The following ZNF362 variants were observed in gnomAD, a reference collection of about 807,000 sequenced individuals.
ZNF362 encodes the protein rotund homolog.
ZNF362 carries 11 observed loss-of-function variants against 42.9 expected under a neutral mutation model. The ratio of observed to expected loss-of-function variants is 0.26; its 90% CI spans 0.16 to 0.42. The LOEUF (loss-of-function observed/expected upper bound fraction) is 0.42, where lower values mean the gene tolerates loss of function less well. Ranked by LOEUF, ZNF362 falls within the 20% of genes least tolerant of loss-of-function variation. The pLI is 1.00. For missense variants in ZNF362, 362 were observed against 576.2 expected, an observed-to-expected ratio of 0.63 and a Z score of 3.81; for synonymous variants, 255 against 257.3, an observed-to-expected ratio of 0.99 and a Z score of 0.09.
the ZNF362 span, among the ~76,000 whole-genome samples, chr1:33,226,086 T>C: frequency 6.6e-6 from 1 of 152,148 alleles, no homozygotes; most frequent in African/African-American, 2.4e-5. Context: ...AGGAGGCACA[T>C]ACCTGACCAA....
intron 4 of ZNF362, among the ~76,000 whole-genome samples, chr1:33,279,259 A>C (rs1645973097): frequency 6.6e-6 from 1 of 152,138 alleles, no homozygotes; most frequent in Non-Finnish European, 1.5e-5. Context: ...TTCTGGGCTC[A>C]AGTGATACTC....
the ZNF362 span, among the ~76,000 whole-genome samples, chr1:33,184,295 C>T: frequency 1.4e-4 from 21 of 152,224 alleles, no homozygotes; most frequent in Middle Eastern, 3.4e-3. Context: ...TTATTATCCC[C>T]GTTTTATAGA....
At chr1:33,256,190 C>A (rs1410799392), upstream of ZNF362, among the ~76,000 whole-genome samples, 1 of 138,368 alleles carries the variant, frequency 7.2e-6, no homozygotes, top group Admixed American at 7.1e-5. Flanking sequence ...GCGGCGGCGG[C>A]GGCGACGGCG....
chr1:33,189,669 A>G, the ZNF362 span, among the ~76,000 whole-genome samples: 5 of 33,220 alleles, frequency 1.5e-4, 1 homozygote, highest in Admixed American at 4.1e-4. Context: ...ATATATATAT[A>G]TATGTATATA....
At chr1:33,276,186 G>A (rs12743549) in intron 3 of ZNF362, 23 bp downstream of exon 3, 347,814 of 1,611,604 alleles carry the variant, frequency 0.22, 39,671 homozygotes, top group South Asian at 0.27. Context: ...TCGCCCCTCC[G>A]GCTGCCCTAC....
the ZNF362 span, among the ~76,000 whole-genome samples, chr1:33,250,750 A>G: frequency 3.3e-5 from 5 of 150,446 alleles, no homozygotes; most frequent in Admixed American, 2.7e-4. Flanking sequence ...AAAGTTGAAG[A>G]AAAAAAAAGA....
At chr1:33,290,973 C>T (rs1646073156) in intron 6 of ZNF362, among the ~76,000 whole-genome samples, 1 of 152,066 alleles carries the variant, frequency 6.6e-6, no homozygotes, top group African/African-American at 2.4e-5. Flanking sequence ...AGCCCTTTGT[C>T]AGATGAGTAG....
chr1:33,196,832 AT>A, the ZNF362 span, among the ~76,000 whole-genome samples: 1 of 152,142 alleles, frequency 6.6e-6, no homozygotes, highest in Admixed American at 6.5e-5. Flanking sequence ...GCACTATGAC[AT>A]TTTGATGGTT....
chr1:33,130,022 G>A, the ZNF362 span, among the ~76,000 whole-genome samples: 3 of 152,058 alleles, frequency 2.0e-5, no homozygotes, highest in Non-Finnish European at 2.9e-5. Context: ...ACCATGCCTG[G>A]CTAATTTTGT....
intron 6 of ZNF362, among the ~76,000 whole-genome samples, chr1:33,286,788 C>T (rs532683889): frequency 2.6e-5 from 4 of 152,284 alleles, no homozygotes; most frequent in South Asian, 4.1e-4. Flanking sequence ...CCCTTTCCTA[C>T]TTATTTGTCC....
At chr1:33,293,708 A>G (rs1233081126) in intron 6 of ZNF362, among the ~76,000 whole-genome samples, 1 of 152,220 alleles carries the variant, frequency 6.6e-6, no homozygotes, top group African/African-American at 2.4e-5. Flanking sequence ...AGATTTGCCC[A>G]AACAGATGCT....
Position 33,280,171 on chromosome 1 carries a change from A to AGCGCGG in ZNF362, c.406_411dup (p.Ala136_Gly137dup), listed in dbSNP as rs761245001. 5.6e-6 allele frequency: 9 copies of AGCGCGG among 1,610,228 alleles called. No homozygotes were observed. The highest frequency in any genetic ancestry group is 2.2e-5 in the East Asian group (1 of 44,816). The stretch of plus-strand genomic sequence containing the variant: ...CCCGTCTGTGAGCACTTCTGAGTCA[A>AGCGCGG]GCGCGGGCGCGGGCACGGGCACGGG... On this transcript the variant is annotated inframe_insertion, in exon 5 of 9. Coordinates refer to ENST00000539719, the MANE Select transcript of ZNF362 (RefSeq NM_152493.3). The surrounding 1 kb of genome is among the most constrained non-coding windows in gnomAD (Gnocchi z 5.6).
chr1:33,256,369 C>A (rs1367346360), upstream of ZNF362, among the ~76,000 whole-genome samples: 1 of 143,338 alleles, frequency 7.0e-6, no homozygotes, highest in East Asian at 2.1e-4. Context: ...GGGGGCCCGA[C>A]GCGGCCCCCC....
intron 1 of ZNF362, among the ~76,000 whole-genome samples, chr1:33,264,902 T>C (rs1322325139): frequency 6.6e-6 from 1 of 152,072 alleles, no homozygotes; most frequent in Non-Finnish European, 1.5e-5. Flanking sequence ...GGTCTCCTGA[T>C]ACATGCTTTG....
Position 33,259,324 on chromosome 1 carries a change from T to C in ZNF362, c.-89+2670T>C, listed in dbSNP as rs1570378703. Among the ~76,000 whole-genome samples, 4 of 152,266 alleles carry C rather than the reference T, an allele frequency of 2.6e-5. No homozygotes were observed. The South Asian group carries it at 8.3e-4, about 32-fold the overall frequency. ...AGCGCTCCATGGAGACATGAACTTA[T>C]CCCAGGGACTGAGGAATAGGCTATC... On this transcript the variant is annotated intron_variant, in intron 1 of 8. Coordinates refer to ENST00000539719, the MANE Select transcript of ZNF362 (RefSeq NM_152493.3).
the ZNF362 span, among the ~76,000 whole-genome samples, chr1:33,137,024 G>T: frequency 6.6e-6 from 1 of 151,758 alleles, no homozygotes; most frequent in Non-Finnish European, 1.5e-5. Flanking sequence ...AAGAAAATCA[G>T]CCAGTGCTTG....
At chr1:33,175,254 T>A in the ZNF362 span, among the ~76,000 whole-genome samples, 26 of 151,870 alleles carry the variant, frequency 1.7e-4, no homozygotes, top group Middle Eastern at 3.4e-3. Context: ...TTCATAATGT[T>A]GGCCAGGCTG....
intron 1 of ZNF362, among the ~76,000 whole-genome samples, chr1:33,267,611 T>C (rs1450629109): frequency 6.6e-6 from 1 of 152,210 alleles, no homozygotes; most frequent in Non-Finnish European, 1.5e-5. Flanking sequence ...CTTAACTGCT[T>C]GACTTTAGGC....
At chr1:33,255,637 G>T (rs1254697062), upstream of ZNF362, among the ~76,000 whole-genome samples, 1 of 152,164 alleles carries the variant, frequency 6.6e-6, no homozygotes, top group African/African-American at 2.4e-5. Context: ...GACAGCCGGT[G>T]CCACCTCTGA....
Sources: gnomAD v4.1 joint callset for allele counts (sites outside exome capture counted in the v4.1 genomes callset) on GRCh38, gnomAD v4.1.1 for gene constraint, Gnocchi (gnomAD v3.1) non-coding constraint, MANE v1.5 for transcripts, NCBI Gene and HGNC (gene_info 2026-07-23, HGNC 2026-07-21) for gene names.